ACTR3C: variants seen among roughly 807,000 people sequenced by gnomAD.
ACTR3C encodes actin related protein 3C, also known as actin-related protein 3C.
ACTR3C carries 18 observed loss-of-function variants against 26.3 expected under a neutral mutation model. The ratio of observed to expected loss-of-function variants is 0.68; its 90% CI spans 0.47 to 1.01. The LOEUF is 1.01. Ranked by LOEUF, ACTR3C falls within the 50% of genes least tolerant of loss-of-function variation. The probability of loss-of-function intolerance (pLI) is 0.00; values close to 1 mark genes in which losing one functional copy is unlikely to be tolerated. For missense variants in ACTR3C, 184 were observed against 250.7 expected, an observed-to-expected ratio of 0.73 and a Z score of 1.80; for synonymous variants, 55 against 94.5, an observed-to-expected ratio of 0.58 and a Z score of 2.42.
intron 1 of ACTR3C, chr7:150,322,644 A>G (rs1332413518): frequency 6.6e-6 from 1 of 152,240 alleles, no homozygotes; most frequent in Admixed American, 6.5e-5. Flanking sequence ...TAATCAAGAA[A>G]TAACCAAAAA....
At chr7:149,980,947 T>G in the ACTR3C span, among the ~76,000 whole-genome samples, 1 of 151,552 alleles carries the variant, frequency 6.6e-6, no homozygotes, top group Non-Finnish European at 1.5e-5. Context: ...GGTTACCTTA[T>G]GCATTGATCG....
intron 1 of ACTR3C, among the ~76,000 whole-genome samples, chr7:150,303,391 C>T (rs1405208683): frequency 1.3e-5 from 2 of 152,140 alleles, no homozygotes; most frequent in Non-Finnish European, 2.9e-5. Flanking sequence ...CAGAGAGCTG[C>T]CATATCAGCA....
the ACTR3C span, among the ~76,000 whole-genome samples, chr7:150,033,559 G>A: frequency 6.6e-6 from 1 of 152,256 alleles, no homozygotes; most frequent in East Asian, 1.9e-4. Context: ...TAAGCCAGGG[G>A]TGGAAGAGGG....
the ACTR3C span, among the ~76,000 whole-genome samples, chr7:150,046,567 A>G: frequency 6.9e-6 from 1 of 144,856 alleles, no homozygotes; most frequent in African/African-American, 2.6e-5. Flanking sequence ...CATACATAGT[A>G]ATTTCTACAA....
chr7:150,207,388 G>A, the ACTR3C span, among the ~76,000 whole-genome samples: 3 of 152,234 alleles, frequency 2.0e-5, no homozygotes, highest in South Asian at 4.1e-4. Context: ...TATTTTTAAA[G>A]GAATAATAGC....
chr7:150,024,396 C>T, the ACTR3C span, among the ~76,000 whole-genome samples: 4 of 151,644 alleles, frequency 2.6e-5, no homozygotes, highest in African/African-American at 7.3e-5. Context: ...ACTGCGTGAG[C>T]GTGTGGGTCC....
At chr7:149,936,677 CAAAG>C in the ACTR3C span, among the ~76,000 whole-genome samples, 1 of 152,236 alleles carries the variant, frequency 6.6e-6, no homozygotes, top group African/African-American at 2.4e-5. Context: ...TGGAGGAACT[CAAAG>C]AACACCCAGA....
chr7:150,046,268 TA>T, the ACTR3C span, among the ~76,000 whole-genome samples: 1 of 130,546 alleles, frequency 7.7e-6, no homozygotes, highest in Non-Finnish European at 1.6e-5. Flanking sequence ...AAACTACCAA[TA>T]ACAACAGCAA....
chr7:150,239,503 G>GCT (rs1441896446), downstream of ACTR3C, among the ~76,000 whole-genome samples: 37 of 96,390 alleles, frequency 3.8e-4, 1 homozygote, highest in African/African-American at 1.2e-3. Flanking sequence ...CATAAAAGTT[G>GCT]CTCGCTCTCT....
the ACTR3C span, among the ~76,000 whole-genome samples, chr7:150,012,201 T>C: frequency 9.9e-5 from 15 of 152,054 alleles, no homozygotes; most frequent in Non-Finnish European, 2.2e-4. Context: ...TTAAAGAAGC[T>C]CTTTTTTTTT....
chr7:150,047,745 C>T, the ACTR3C span: 3 of 1,464,276 alleles, frequency 2.0e-6, no homozygotes, highest in Non-Finnish European at 2.7e-6. Flanking sequence ...TCCTGCGCCG[C>T]CGTCCTCCTC....
chr7:149,918,489 G>A, the ACTR3C span, among the ~76,000 whole-genome samples: 5 of 152,296 alleles, frequency 3.3e-5, no homozygotes, highest in Admixed American at 3.3e-4. Flanking sequence ...TCGGGAGTTC[G>A]AGACCAGGCT....
chr7:149,914,181 G>A, the ACTR3C span, among the ~76,000 whole-genome samples: 1 of 151,742 alleles, frequency 6.6e-6, no homozygotes, highest in African/African-American at 2.4e-5. Context: ...GAGCCACCGA[G>A]CCCAGCTACC....
At chr7:150,151,270 G>A in the ACTR3C span, among the ~76,000 whole-genome samples, 1 of 136,314 alleles carries the variant, frequency 7.3e-6, no homozygotes, top group Admixed American at 7.5e-5. Context: ...TATGATATGT[G>A]GTGAGAATAT....
the ACTR3C span, among the ~76,000 whole-genome samples, chr7:149,900,844 C>A: frequency 8.6e-5 from 13 of 151,998 alleles, no homozygotes; most frequent in Non-Finnish European, 1.6e-4. Flanking sequence ...ACCAGCCTGG[C>A]CAACATGGTG....
chr7:150,026,840 C>T, the ACTR3C span, among the ~76,000 whole-genome samples: 5 of 152,114 alleles, frequency 3.3e-5, no homozygotes, highest in Non-Finnish European at 4.4e-5. Context: ...TGCCAATTAG[C>T]ATGTCATCTA....
chr7:150,069,944 C>T, the ACTR3C span, among the ~76,000 whole-genome samples: 3 of 152,060 alleles, frequency 2.0e-5, no homozygotes, highest in Non-Finnish European at 4.4e-5. Context: ...CTGAATCTCC[C>T]AGCAATTCAG....
At chr7:150,054,133 C>T in the ACTR3C span, among the ~76,000 whole-genome samples, 1 of 152,232 alleles carries the variant, frequency 6.6e-6, no homozygotes, top group Non-Finnish European at 1.5e-5. Context: ...GCAGCGTCTT[C>T]TTTCAAGAGC....
At chr7:150,224,814 C>T in the ACTR3C span, among the ~76,000 whole-genome samples, 11 of 152,304 alleles carry the variant, frequency 7.2e-5, no homozygotes, top group African/African-American at 2.2e-4. Flanking sequence ...TTCTGCTCCA[C>T]GGGAGACCTG....
Sources: gnomAD v4.1 joint callset for allele counts (sites outside exome capture counted in the v4.1 genomes callset) on GRCh38, gnomAD v4.1.1 for gene constraint, MANE v1.5 for transcripts, NCBI Gene and HGNC (gene_info 2026-07-23, HGNC 2026-07-21) for gene names.